Variants in TNFRSF10A observed in about 807,000 individuals in gnomAD.
The protein encoded by TNFRSF10A is tumor necrosis factor receptor superfamily member 10A.
A neutral mutation model predicts 42.8 loss-of-function variants in TNFRSF10A; 44 were observed. The observed-to-expected ratio is 1.03, with a 90% CI of 0.81 to 1.32. TNFRSF10A has a LOEUF of 1.32. Among genes scored for constraint, TNFRSF10A ranks in the 40% most tolerant of loss-of-function variants. TNFRSF10A has a pLI of 0.00. For synonymous variants in TNFRSF10A, 259 were observed against 234.2 expected, an observed-to-expected ratio of 1.11 and a Z score of -0.97; for missense variants, 680 against 602.0, an observed-to-expected ratio of 1.13 and a Z score of -1.36.
chr8:23,215,304 T>G (rs1317194546), intron 1 of TNFRSF10A, among the ~76,000 whole-genome samples: 1 of 151,700 alleles, frequency 6.6e-6, no homozygotes, highest in Non-Finnish European at 1.5e-5. Flanking sequence ...CCACCTGAGG[T>G]CAGGAGTTCA....
rs552632416 is a variant in TNFRSF10A, at chr8:23,200,784, G to C, written c.630-24C>G. Reference sequence around the variant, plus strand: ...ACCTGGGTACACACAGGGAGGGAGGGGGGGGACTCTTGATGGAAAGCTGGC... The same window carrying C: ...ACCTGGGTACACACAGGGAGGGAGGCGGGGGACTCTTGATGGAAAGCTGGC... On this transcript the variant is annotated intron_variant, in intron 4 of 9. Transcript: ENST00000221132. 3.8e-6 allele frequency: 6 copies of C among 1,561,216 alleles called. 1 individual carries two copies. Among genetic ancestry groups the C allele is most frequent in the East Asian group, 4.5e-5 (2 of 44,404 alleles).
In TNFRSF10A at chr8:23,199,484, C is replaced by T. The variant is rs1480631373; in HGVS notation, c.832-36G>A. 6 of 1,597,046 alleles carry T rather than the reference C, an allele frequency of 3.8e-6. 1 individual carries two copies. The South Asian group carries it at 6.6e-5, about 18-fold the overall frequency. On this transcript the variant is annotated intron_variant, in intron 7 of 9. Transcript: ENST00000221132. ...CAAAGAGCCAACTCAGAAGCCCACA[C>T]CCAGGGCTCCCCACGGGGTCCGTAG...
chr8:23,199,157 C>A (rs1023180785), intron 8 of TNFRSF10A, 109 bp downstream of exon 8: 1 of 1,374,146 alleles, frequency 7.3e-7, no homozygotes, highest in Non-Finnish European at 9.9e-7. Flanking sequence ...AGCCCCGTCC[C>A]CTGCAGTCCC....
chr8:23,199,139 TCCCACGCAGCCCCGTC>T (rs1800868808), intron 8 of TNFRSF10A, 111 bp downstream of exon 8: 1 of 1,168,484 alleles, frequency 8.6e-7, no homozygotes, highest in Admixed American at 2.6e-5. Context: ...GGCTGCTTTT[TCCCACGCAGCCCCGTC>T]CCCTGCAGTC....
chr8:23,213,359 T>G (rs930761237), intron 1 of TNFRSF10A, among the ~76,000 whole-genome samples: 21 of 151,562 alleles, frequency 1.4e-4, no homozygotes, highest in Admixed American at 1.4e-3. Flanking sequence ...TTTCTTTGAG[T>G]TTCTCTGCAG....
At chr8:23,219,988 T>A (rs1445407916) in intron 1 of TNFRSF10A, among the ~76,000 whole-genome samples, 1 of 152,310 alleles carries the variant, frequency 6.6e-6, no homozygotes, top group South Asian at 2.1e-4. Flanking sequence ...GCACACACTT[T>A]CCCTCTCTGA....
In TNFRSF10A at chr8:23,190,576, TTTAA is replaced by T. The variant is rs1260784450; in HGVS notation, c.*1114_*1117del. On this transcript the variant is annotated 3_prime_UTR_variant, in exon 10 of 10. Coordinates refer to ENST00000221132, the MANE Select transcript of TNFRSF10A (RefSeq NM_003844.4). ...TCCAAATTTCCAAAGGTATATGTAC[TTTAA>T]TTGTGACTTGAACTCAAGGTAAATA... 4 of 152,232 alleles carry T rather than the reference TTTAA, an allele frequency of 2.6e-5. No homozygotes were observed. Among genetic ancestry groups the T allele is most frequent in the African/African-American group, 9.6e-5 (4 of 41,454 alleles). 9.4% of individuals were successfully genotyped at this position (152,232 alleles called of 1,614,324 possible). A position where few individuals can be genotyped will look rare whatever the true frequency, so the allele number is the denominator to read the frequency against.
Position 23,199,932 on chromosome 8 carries a change from G to A in TNFRSF10A, c.800-15C>T, listed in dbSNP as rs200946083. 1,792 of 1,614,028 alleles carry A rather than the reference G, an allele frequency of 1.1e-3. 2 individuals are homozygous for A. Among genetic ancestry groups the A allele is most frequent in the Non-Finnish European group, 1.3e-3 (1,585 of 1,179,984 alleles). On this transcript the variant is annotated splice_polypyrimidine_tract_variant and intron_variant, in intron 6 of 9. Transcript: ENST00000221132. ...CCCTCCACAACCTAGAAGAGAAGAC[G>A]GTTCCCTTAGTGGCCAGGGAGGGGC...
intron 2 of TNFRSF10A, among the ~76,000 whole-genome samples, chr8:23,206,115 G>T (rs558114548): frequency 7.2e-5 from 11 of 152,210 alleles, no homozygotes; most frequent in African/African-American, 2.6e-4. Flanking sequence ...CGAATATAAA[G>T]AAAGAACATT....
chr8:23,211,965 T>A, intron 2 of TNFRSF10A, 151 bp downstream of exon 2: 1 of 621,810 alleles, frequency 1.6e-6, no homozygotes, highest in Non-Finnish European at 2.7e-6. Flanking sequence ...TAAGTATCTG[T>A]TGAATAGAAG....
At chr8:23,196,133 A>T (rs577785325) in intron 9 of TNFRSF10A, among the ~76,000 whole-genome samples, 1 of 152,082 alleles carries the variant, frequency 6.6e-6, no homozygotes, top group South Asian at 2.1e-4. Context: ...GGGATGCTGG[A>T]CCCCTCATTC....
intron 2 of TNFRSF10A, among the ~76,000 whole-genome samples, chr8:23,211,792 A>G (rs981543049): frequency 2.0e-5 from 3 of 152,220 alleles, no homozygotes; most frequent in Non-Finnish European, 4.4e-5. Context: ...CATCATTTCA[A>G]CGAATGGCAA....
chr8:23,215,764 G>A (rs1801169596), intron 1 of TNFRSF10A, among the ~76,000 whole-genome samples: 1 of 151,008 alleles, frequency 6.6e-6, no homozygotes, highest in Admixed American at 6.6e-5. Flanking sequence ...ATTAATTCTT[G>A]ATATTGGTAT....
chr8:23,212,297 C>T, intron 1 of TNFRSF10A, 85 bp from the exon 2 acceptor site: 1 of 1,193,384 alleles, frequency 8.4e-7, no homozygotes, highest in Non-Finnish European at 1.2e-6. Context: ...TTCCCCCAAG[C>T]CTCCAAAATT....
intron 1 of TNFRSF10A, chr8:23,224,550 G>A (rs540028330): frequency 3.2e-6 from 2 of 619,314 alleles, no homozygotes; most frequent in East Asian, 3.1e-5. Flanking sequence ...GCGGGAGGGG[G>A]CTCTGCTGCC....
intron 9 of TNFRSF10A, among the ~76,000 whole-genome samples, chr8:23,192,218 A>G (rs1317149802): frequency 2.0e-5 from 3 of 152,156 alleles, no homozygotes; most frequent in Non-Finnish European, 1.5e-5. Context: ...CAAGGCGCTG[A>G]CGGGCGTCAA....
intron 4 of TNFRSF10A, among the ~76,000 whole-genome samples, 188 bp from the exon 5 acceptor site, chr8:23,200,948 CTT>C (rs1347755115): frequency 1.3e-5 from 2 of 152,190 alleles, no homozygotes; most frequent in Non-Finnish European, 2.9e-5. Flanking sequence ...AGCATGCACA[CTT>C]TACCCCCTTG....
intron 1 of TNFRSF10A, among the ~76,000 whole-genome samples, chr8:23,222,877 C>G (rs1402631696): frequency 6.6e-6 from 1 of 152,074 alleles, no homozygotes; most frequent in Non-Finnish European, 1.5e-5. Flanking sequence ...TCTCATCCCC[C>G]TCCTCCTGCC....
At chr8:23,220,433 A>G (rs1801241675) in intron 1 of TNFRSF10A, among the ~76,000 whole-genome samples, 2 of 152,228 alleles carry the variant, frequency 1.3e-5, no homozygotes, top group Non-Finnish European at 2.9e-5. Context: ...GCTATCAAAG[A>G]GCCCAGAGAT....
Sources: allele counts gnomAD v4.1 joint callset (sites outside exome capture counted in the v4.1 genomes callset), GRCh38; gene constraint gnomAD v4.1.1; transcripts MANE v1.5; gene names NCBI Gene and HGNC (gene_info 2026-07-23, HGNC 2026-07-21).